The following STAT1 variants were observed in gnomAD, a reference collection of about 807,000 sequenced individuals.
The protein encoded by STAT1 is signal transducer and activator of transcription 1, also known as signal transducer and activator of transcription 1-alpha/beta.
STAT1 carries 24 observed loss-of-function variants against 111.7 expected under a neutral mutation model. That is an observed-to-expected ratio of 0.21 (90% CI 0.16 to 0.30). The LOEUF (loss-of-function observed/expected upper bound fraction) is 0.30, where lower values mean the gene tolerates loss of function less well. STAT1 is among the 10% of genes least tolerant of loss of function. STAT1 has a pLI of 1.00. For missense variants in STAT1, 351 were observed against 911.9 expected (o/e 0.38, Z 7.92); for synonymous variants, 332 against 326.5 (o/e 1.02, Z -0.18).
At chr2:191,013,010 G>A (rs976291799) in intron 2 of STAT1, among the ~76,000 whole-genome samples, 10 of 152,298 alleles carry the variant, frequency 6.6e-5, no homozygotes, top group Non-Finnish European at 1.0e-4. Flanking sequence ...CAGAGTCCCC[G>A]GCGGGGGAAG....
In STAT1 at chr2:190,987,143, T is replaced by C. The variant is rs1692912632; in HGVS notation, c.1098-75A>G. ...AAGCTTTAACAAAATTATAAGAGTA[T>C]AAGAGCATAAGAGTGTAAGTGAATG... On this transcript the variant is annotated intron_variant, in intron 12 of 24. Transcript: ENST00000361099. This position sits in a 1 kb window ranked among gnomAD's most constrained non-coding sequence, Gnocchi z 4.0. The C allele has an allele frequency of 9.4e-7, 1 of 1,066,534 alleles. No individual in the cohort carries two copies. The highest frequency in any genetic ancestry group is 1.6e-5 in the African/African-American group (1 of 62,946). The allele number at this position is 1,066,534 out of a possible 1,614,324, so 66.1% of individuals were successfully genotyped here.
At chr2:191,013,880 G>A in intron 1 of STAT1, 138 bp downstream of exon 1, 1 of 385,498 alleles carries the variant, frequency 2.6e-6, no homozygotes, top group Non-Finnish European at 4.6e-6. Flanking sequence ...GGAATACTCA[G>A]GACGCGTTCT....
In STAT1 at chr2:190,978,337, A is replaced by C. The variant is rs1350587369; in HGVS notation, c.1873+519T>G. 6.6e-6 allele frequency among the ~76,000 whole-genome samples: 1 copy of C among 152,168 alleles called. No homozygotes were observed. Among genetic ancestry groups the C allele is most frequent in the Non-Finnish European group, 1.5e-5 (1 of 68,018 alleles). On this transcript the variant is annotated intron_variant, in intron 21 of 24. Coordinates refer to ENST00000361099, the MANE Select transcript of STAT1 (RefSeq NM_007315.4). The surrounding 1 kb of genome is among the most constrained non-coding windows in gnomAD (Gnocchi z 6.1). The stretch of plus-strand genomic sequence containing the variant: ...TTTTAGCCATGGACTCATTTGATTA[A>C]ATAGAAACCCCATATATGATAAAGA...
Position 190,975,964 on chromosome 2 carries a change from T to C in STAT1, c.2060-77A>G. 7.8e-7 allele frequency: 1 copy of C among 1,281,580 alleles called. No individual in the cohort carries two copies. The highest frequency in any genetic ancestry group is 1.1e-6 in the Non-Finnish European group (1 of 886,412). 79.4% of individuals were successfully genotyped at this position (1,281,580 alleles called of 1,614,324 possible). ...ATACAACATCAACTTTTCGGGGGGA[T>C]TAAAGTTCTACTGTGTTTCTAGACA... On this transcript the variant is annotated intron_variant, in intron 22 of 24. Transcript: ENST00000361099. This position sits in a 1 kb window ranked among gnomAD's most constrained non-coding sequence, Gnocchi z 5.9.
rs1015216942 is a variant in STAT1, at chr2:190,989,111, G to A, written c.1097+504C>T. Among the ~76,000 whole-genome samples the A allele has an allele frequency of 1.3e-4, 19 of 151,832 alleles. No homozygotes were observed. The highest frequency in any genetic ancestry group is 9.8e-4 in the Admixed American group (15 of 15,260). On this transcript the variant is annotated intron_variant, in intron 12 of 24. Coordinates refer to ENST00000361099, the MANE Select transcript of STAT1 (RefSeq NM_007315.4). The surrounding 1 kb of genome is among the most constrained non-coding windows in gnomAD (Gnocchi z 5.0). ...GTCTCCCCAAGATGCTGCTGACCTC[G>A]CTCCAGAAAAAAACCCCCAAATGAC...
In STAT1 at chr2:190,990,675, T is replaced by C. The variant is rs542646744; in HGVS notation, c.1037+553A>G. On this transcript the variant is annotated intron_variant, in intron 11 of 24. Transcript: ENST00000361099. The surrounding 1 kb of genome is among the most constrained non-coding windows in gnomAD (Gnocchi z 5.1). ...TTTAAAAAGGAAACATTATGTCATG[T>C]TTGTGCGTGTGTGTTTCCGTATGAA... Among the ~76,000 whole-genome samples, 11 of 152,218 alleles carry C rather than the reference T, an allele frequency of 7.2e-5. No homozygotes were observed. The highest frequency in any genetic ancestry group is 1.5e-4 in the Non-Finnish European group (10 of 68,046).
chr2:191,007,672 G>T lies in STAT1; in HGVS notation c.274-11C>A. On this transcript the variant is annotated splice_polypyrimidine_tract_variant and intron_variant, in intron 4 of 24. Transcript: ENST00000361099. This position sits in a 1 kb window ranked among gnomAD's most constrained non-coding sequence, Gnocchi z 4.2. ...TTCCTGAAAATTATCCTAGATTTGA[G>T]TGGTTAGAACAAAAATAAATTAAAA... The T allele has an allele frequency of 6.3e-7, 1 of 1,577,816 alleles. No homozygotes were observed. The highest frequency in any genetic ancestry group is 8.7e-7 in the Non-Finnish European group (1 of 1,147,558).
intron 5 of STAT1, among the ~76,000 whole-genome samples, chr2:191,001,883 A>G (rs1694296769): frequency 6.6e-6 from 1 of 152,214 alleles, no homozygotes; most frequent in South Asian, 2.1e-4. Context: ...AGTGGTAACC[A>G]GTGATCCCTG....
chr2:190,998,029 A>C lies in STAT1; in HGVS notation c.634-22T>G, dbSNP rs752899325. On this transcript the variant is annotated intron_variant, in intron 8 of 24. Transcript: ENST00000361099. This position sits in a 1 kb window ranked among gnomAD's most constrained non-coding sequence, Gnocchi z 4.1. ...CTTCCTAAAGGCAATAGAAGAAACA[A>C]AGTGAAATAAATTCATTTTTAATCA... 4 of 1,613,208 alleles carry C rather than the reference A, an allele frequency of 2.5e-6. No individual in the cohort carries two copies. The highest frequency in any genetic ancestry group is 3.4e-6 in the Non-Finnish European group (4 of 1,179,376).
chr2:190,983,637 C>T lies in STAT1; in HGVS notation c.1446+5G>A. Reference sequence around the variant, plus strand: ...CTGGGACCAAAGCAAATGTGTTTTCCATACCCTGGGTTCCGCCACCAGCAT... The same window carrying T: ...CTGGGACCAAAGCAAATGTGTTTTCTATACCCTGGGTTCCGCCACCAGCAT... On this transcript the variant is annotated splice_donor_5th_base_variant and intron_variant, in intron 17 of 24. Coordinates refer to ENST00000361099, the MANE Select transcript of STAT1 (RefSeq NM_007315.4). The surrounding 1 kb of genome is among the most constrained non-coding windows in gnomAD (Gnocchi z 5.7). 1 of 1,613,830 alleles carries T rather than the reference C, an allele frequency of 6.2e-7. No homozygotes were observed. Among genetic ancestry groups the T allele is most frequent in the Non-Finnish European group, 8.5e-7 (1 of 1,179,760 alleles).
In STAT1 at chr2:190,997,259, C is replaced by T. The variant is rs947082345; in HGVS notation, c.785+597G>A. Among the ~76,000 whole-genome samples, 2 of 152,234 alleles carry T rather than the reference C, an allele frequency of 1.3e-5. No homozygotes were observed. Among genetic ancestry groups the T allele is most frequent in the East Asian group, 3.9e-4 (2 of 5,190 alleles). ...CACAAGGCCACTTCCTCTATGAAAC[C>T]TTCCCTGGAGATGCTTTCCTTTGTC... On this transcript the variant is annotated intron_variant, in intron 9 of 24. Coordinates refer to ENST00000361099, the MANE Select transcript of STAT1 (RefSeq NM_007315.4). This position sits in a 1 kb window ranked among gnomAD's most constrained non-coding sequence, Gnocchi z 7.3.
chr2:190,977,152 T>TATTGAGAATA lies in STAT1; in HGVS notation c.1874-128_1874-127insTATTCTCAAT. On this transcript the variant is annotated intron_variant, in intron 21 of 24. Transcript: ENST00000361099. This position sits in a 1 kb window ranked among gnomAD's most constrained non-coding sequence, Gnocchi z 4.7. ...TAAGAACTAATCACAATCTAAGCAT[T>TATTGAGAATA]ATAACATATACAGTAGACTGCTTTA... 1 of 872,182 alleles carries TATTGAGAATA rather than the reference T, an allele frequency of 1.1e-6. No homozygotes were observed. Among genetic ancestry groups the TATTGAGAATA allele is most frequent in the Non-Finnish European group, 1.9e-6 (1 of 528,606 alleles). The allele number at this position is 872,182 out of a possible 1,614,324, so 54.0% of individuals were successfully genotyped here.
chr2:191,002,497 GTTTA>G (rs1319026778), intron 5 of STAT1, among the ~76,000 whole-genome samples: 1 of 152,186 alleles, frequency 6.6e-6, no homozygotes, highest in Non-Finnish European at 1.5e-5. Context: ...ACTCTTGCAT[GTTTA>G]TTTTTCATAA....
In STAT1 at chr2:190,975,855, C is replaced by T. The variant is rs1360111182; in HGVS notation, c.2092G>A (p.Gly698Arg). ...PEPMELDGPK[G>R]TGYIKTELIS... is the part of the protein sequence containing the mutation. ...AACTCAGTCTTGATATATCCAGTTC[C>T]TTTAGGGCCATCAAGTTCCATTGGC... Residue 698 changes from glycine (G) to arginine (R), a missense_variant, in exon 23 of 25, where the codon GGA becomes AGA. Physicochemically the swap from Gly to Arg is moderately radical, Grantham distance 125. Around this residue, in one of 7 missense-constraint regions of STAT1, gnomAD observed 181 missense variants for 426.1 expected, o/e 0.42. Coordinates refer to ENST00000361099, the MANE Select transcript of STAT1 (RefSeq NM_007315.4). The surrounding 1 kb of genome is among the most constrained non-coding windows in gnomAD (Gnocchi z 5.9). The T allele has an allele frequency of 6.2e-7, 1 of 1,614,154 alleles. No homozygotes were observed. The highest frequency in any genetic ancestry group is 1.7e-5 in the Admixed American group (1 of 60,020).
In STAT1 at chr2:190,970,416, A is replaced by G. The variant is rs1691361941; in HGVS notation, c.*287T>C. 2 of 498,596 alleles carry G rather than the reference A, an allele frequency of 4.0e-6. No homozygotes were observed. Among genetic ancestry groups the G allele is most frequent in the South Asian group, 2.1e-5 (1 of 47,832 alleles). 30.9% of individuals were successfully genotyped at this position (498,596 alleles called of 1,614,324 possible). On this transcript the variant is annotated 3_prime_UTR_variant, in exon 25 of 25. Transcript: ENST00000361099. The surrounding 1 kb of genome is among the most constrained non-coding windows in gnomAD (Gnocchi z 5.4). ...ACTTCTCCTTTCCCAAAGGACCCTC[A>G]TTCTCGTCCTGATACTTTGGGTGTA... is the stretch of plus-strand genomic sequence containing the variant.
rs1692322510 is a variant in STAT1 at position 190,980,771 on chromosome 2, C to T, written c.1583-102G>A. On this transcript the variant is annotated intron_variant, in intron 18 of 24. Coordinates refer to ENST00000361099, the MANE Select transcript of STAT1 (RefSeq NM_007315.4). This position sits in a 1 kb window ranked among gnomAD's most constrained non-coding sequence, Gnocchi z 6.1. ...TTTGCTCTCAAGGAAAAGAGCCAAA[C>T]ACCCAACAAAGATTGTATGTACACA... 2 of 1,149,664 alleles carry T rather than the reference C, an allele frequency of 1.7e-6. No homozygotes were observed. The highest frequency in any genetic ancestry group is 4.9e-5 in the East Asian group (2 of 41,014). The allele number at this position is 1,149,664 out of a possible 1,614,324, so 71.2% of individuals were successfully genotyped here.
Position 191,004,136 on chromosome 2 carries a change from C to G in STAT1, c.373-2973G>C, listed in dbSNP as rs1376444895. Among the ~76,000 whole-genome samples, 3 of 152,182 alleles carry G rather than the reference C, an allele frequency of 2.0e-5. No homozygotes were observed. The highest frequency in any genetic ancestry group is 4.4e-5 in the Non-Finnish European group (3 of 68,036). On this transcript the variant is annotated intron_variant, in intron 5 of 24. Transcript: ENST00000361099. This position sits in a 1 kb window ranked among gnomAD's most constrained non-coding sequence, Gnocchi z 5.0. ...GCTCTCTTACCCCTTCCACTCATCC[C>G]TCCCTGCTTCCCTCCACCCTGCCCC...
rs116554639 is a variant in STAT1 at position 190,975,678 on chromosome 2, T to C, written c.2135+134A>G. On this transcript the variant is annotated intron_variant, in intron 23 of 24. Coordinates refer to ENST00000361099, the MANE Select transcript of STAT1 (RefSeq NM_007315.4). The surrounding 1 kb of genome is among the most constrained non-coding windows in gnomAD (Gnocchi z 5.9). ...ATGCTGATAGGCAGTAACACGGGGA[T>C]CTCAACAAGTTCAGCTGTGATGGCG... 6.6e-7 allele frequency: 1 copy of C among 1,525,450 alleles called. No homozygotes were observed. Among genetic ancestry groups the C allele is most frequent in the South Asian group, 1.2e-5 (1 of 81,992 alleles). The allele number at this position is 1,525,450 out of a possible 1,614,324, so 94.5% of individuals were successfully genotyped here.
chr2:190,993,525 A>G lies in STAT1; in HGVS notation c.944+1536T>C, dbSNP rs995462713. ...TCCAACCCCAGAGTCGCCAATCAGA[A>G]GTAATTTGAATAAATAATCAATTTG... On this transcript the variant is annotated intron_variant, in intron 10 of 24. Transcript: ENST00000361099. The surrounding 1 kb of genome is among the most constrained non-coding windows in gnomAD (Gnocchi z 4.1). The G allele has an allele frequency of 6.9e-6, 5 of 720,080 alleles. No individual in the cohort carries two copies. The highest frequency in any genetic ancestry group is 1.2e-5 in the Non-Finnish European group (5 of 402,328). The allele number at this position is 720,080 out of a possible 1,614,324, so 44.6% of individuals were successfully genotyped here.
Sources: gnomAD v4.1 joint callset for allele counts (sites outside exome capture counted in the v4.1 genomes callset) on GRCh38, gnomAD v4.1.1 for gene constraint, gnomAD v4.1.1 regional missense constraint, Gnocchi (gnomAD v3.1) non-coding constraint, MANE v1.5 for transcripts, NCBI Gene and HGNC (gene_info 2026-07-23, HGNC 2026-07-21) for gene names.